MIA3: variants seen among roughly 807,000 people sequenced by gnomAD.
MIA3 encodes transport and Golgi organization protein 1 homolog.
MIA3 carries 90 observed loss-of-function variants against 192.4 expected under a neutral mutation model. The observed-to-expected ratio is 0.47, with a 90% CI of 0.39 to 0.56. The LOEUF (loss-of-function observed/expected upper bound fraction) is 0.56, where lower values mean the gene tolerates loss of function less well. Ranked by LOEUF, MIA3 falls within the 20% of genes least tolerant of loss-of-function variation. The pLI is 0.00. For synonymous variants in MIA3, 740 were observed against 792.8 expected (o/e 0.93, Z 1.12); for missense variants, 2,123 against 2,269.4 (o/e 0.94, Z 1.31).
In MIA3 at chr1:222,628,174, T is replaced by C; in HGVS notation, c.954T>C (p.Asp318=). ...DTEYYAVGKE[D]EENQEDFDEL... ...AGTATTATGCAGTTGGAAAGGAAGA[T>C]GAGGAGAACCAAGAAGACTTTGATG... Residue 318 remains aspartate, a synonymous_variant, in exon 4 of 28, where the codon GAT becomes GAC. Coordinates refer to ENST00000344922, the MANE Select transcript of MIA3 (RefSeq NM_198551.4). The C allele has an allele frequency of 6.2e-7, 1 of 1,614,010 alleles. No individual in the cohort carries two copies. Among genetic ancestry groups the C allele is most frequent in the South Asian group, 1.1e-5 (1 of 91,088 alleles).
intron 6 of MIA3, among the ~76,000 whole-genome samples, chr1:222,642,698 C>T (rs1662917904): frequency 6.6e-6 from 1 of 152,244 alleles, no homozygotes; most frequent in Non-Finnish European, 1.5e-5. Context: ...GCTTCCTCCA[C>T]ATTCTCTCAC....
At chr1:222,625,407 A>G (rs936648638) in intron 3 of MIA3, among the ~76,000 whole-genome samples, 1 of 152,222 alleles carries the variant, frequency 6.6e-6, no homozygotes, top group Non-Finnish European at 1.5e-5. Flanking sequence ...GAAGGCAAAA[A>G]ATTTCATTTC....
rs375878727 is a variant in MIA3, at chr1:222,629,287, A to T, written c.2067A>T (p.Glu689Asp). 3.7e-6 allele frequency: 6 copies of T among 1,614,194 alleles called. No individual in the cohort carries two copies. The Admixed American group carries it at 6.7e-5, about 18-fold the overall frequency. The change falls in exon 4 of 28, where the codon GAA (glutamate) becomes GAT (aspartate). Residue 689 changes from glutamate (E) to aspartate (D), a missense_variant. By Grantham distance (45) the Glu-to-Asp change is conservative. Coordinates refer to ENST00000344922, the MANE Select transcript of MIA3 (RefSeq NM_198551.4). ...EGEAKEDSLD[E>D]EFFHHKAMQG... is the part of the protein sequence containing the mutation. Reference sequence around the variant, plus strand: ...AAGCCAAAGAGGACTCCTTGGATGAAGAGTTTTTTCATCACAAGGCAATGC... The same window carrying T: ...AAGCCAAAGAGGACTCCTTGGATGATGAGTTTTTTCATCACAAGGCAATGC...
Position 222,666,542 on chromosome 1 carries a change from A to G in MIA3, c.*923A>G, listed in dbSNP as rs1664295837. The G allele has an allele frequency of 6.6e-6, 1 of 152,088 alleles. No homozygotes were observed. Among genetic ancestry groups the G allele is most frequent in the African/African-American group, 2.4e-5 (1 of 41,390 alleles). The allele number at this position is 152,088 out of a possible 1,614,324, so 9.4% of individuals were successfully genotyped here. On this transcript the variant is annotated 3_prime_UTR_variant, in exon 28 of 28. Coordinates refer to ENST00000344922, the MANE Select transcript of MIA3 (RefSeq NM_198551.4). Reference sequence around the variant, plus strand: ...AAAATTTTAAAATGTACAGTCCCTTATCTATCTTTCCCATTCCTTGCCACT... The same window carrying G: ...AAAATTTTAAAATGTACAGTCCCTTGTCTATCTTTCCCATTCCTTGCCACT...
chr1:222,626,027 A>T (rs1662100451), intron 3 of MIA3, among the ~76,000 whole-genome samples: 1 of 151,620 alleles, frequency 6.6e-6, no homozygotes, highest in Non-Finnish European at 1.5e-5. Flanking sequence ...GCTGCCTTTC[A>T]TATATATATA....
chr1:222,651,147 G>A (rs1431517310), intron 11 of MIA3, among the ~76,000 whole-genome samples: 5 of 151,432 alleles, frequency 3.3e-5, no homozygotes, highest in Non-Finnish European at 5.9e-5. Flanking sequence ...TCTGCCCTCC[G>A]AAACATGTGG....
At chr1:222,644,276 T>TA (rs1663013949) in intron 6 of MIA3, 4 of 1,387,336 alleles carry the variant, frequency 2.9e-6, no homozygotes, top group Non-Finnish European at 3.7e-6. Flanking sequence ...TTTGGTGCCT[T>TA]GAGGTGCGCC....
intron 24 of MIA3, chr1:222,661,320 A>G (rs1663999183): frequency 6.6e-6 from 1 of 152,322 alleles, no homozygotes; most frequent in Admixed American, 6.5e-5. Context: ...CATTTCAGTC[A>G]GACGATTCAT....
intron 18 of MIA3, among the ~76,000 whole-genome samples, chr1:222,655,418 ATCTGAATTCTCTAAAAATAGGTTATCT>A (rs1663667887): frequency 6.6e-6 from 1 of 152,254 alleles, no homozygotes; most frequent in Non-Finnish European, 1.5e-5. Context: ...CCACAAAAAC[ATCTGAATTCTCTAAAAATAGGTTATCT>A]GTGGCAGTTG....
chr1:222,660,456 C>T, intron 24 of MIA3, 142 bp downstream of exon 24: 1 of 631,570 alleles, frequency 1.6e-6, no homozygotes, highest in Non-Finnish European at 2.4e-6. Context: ...GTGGATTCAA[C>T]TGCAAGTATT....
At chr1:222,663,464 T>C (rs751713000) in intron 26 of MIA3, among the ~76,000 whole-genome samples, 17 of 152,174 alleles carry the variant, frequency 1.1e-4, no homozygotes, top group Admixed American at 2.6e-4. Flanking sequence ...GCAAATCTAA[T>C]ACTCTCTGCG....
At chr1:222,658,167 T>C (rs575886835) in intron 18 of MIA3, among the ~76,000 whole-genome samples, 1 of 152,342 alleles carries the variant, frequency 6.6e-6, no homozygotes, top group East Asian at 1.9e-4. Context: ...TCTCGCTGCT[T>C]TATCATGATT....
Position 222,643,945 on chromosome 1 carries a change from A to T in MIA3, c.3478-1609A>T, listed in dbSNP as rs1360072789. ...ACAGTAAGCAGAGGACTGAGTGGGC[A>T]AGGAAGAAAGGCCGCGCACTGCAGT... On this transcript the variant is annotated intron_variant, in intron 6 of 27. Coordinates refer to ENST00000344922, the MANE Select transcript of MIA3 (RefSeq NM_198551.4). 2.8e-5 allele frequency among the ~76,000 whole-genome samples: 4 copies of T among 145,262 alleles called. No individual in the cohort carries two copies. In the Admixed American group the frequency reaches 3.0e-4, roughly 11 times the overall value.
chr1:222,651,029 A>G (rs1231718705), intron 11 of MIA3, 126 bp downstream of exon 11: 1 of 594,462 alleles, frequency 1.7e-6, no homozygotes, highest in African/African-American at 1.9e-5. Context: ...AGTTGAACCT[A>G]CTTCTGTCCA....
At chr1:222,659,059 AGTTT>A in intron 19 of MIA3, 1 of 456,992 alleles carries the variant, frequency 2.2e-6, no homozygotes, top group South Asian at 3.0e-5. Context: ...GGGTGGGAGC[AGTTT>A]GTTATATGAT....
At chr1:222,618,420 G>T (rs1319529637) in intron 1 of MIA3, among the ~76,000 whole-genome samples, 177 bp downstream of exon 1, 3 of 152,058 alleles carry the variant, frequency 2.0e-5, no homozygotes, top group Admixed American at 6.5e-5. Flanking sequence ...GCGCGCTCCG[G>T]GTCCCTGTGT....
intron 1 of MIA3, 102 bp from the exon 2 acceptor site, chr1:222,621,057 G>T: frequency 9.9e-7 from 1 of 1,010,678 alleles, no homozygotes. Flanking sequence ...AAACTTGGTT[G>T]TTGTTTATAG....
chr1:222,653,395 C>G (rs1206770746), intron 15 of MIA3, 56 bp downstream of exon 15: 10 of 1,096,748 alleles, frequency 9.1e-6, no homozygotes, highest in African/African-American at 1.6e-5. Context: ...TTTAAGTGCA[C>G]CAGTGCTACT....
rs1275577753 is a variant in MIA3, at chr1:222,628,246, A to G, written c.1026A>G (p.Pro342=). 6.2e-7 allele frequency: 1 copy of G among 1,614,190 alleles called. No individual in the cohort carries two copies. Among genetic ancestry groups the G allele is most frequent in the South Asian group, 1.1e-5 (1 of 91,090 alleles). ...CAGATGGGGAAGATATGAAAACTCC[A>G]GCAAAGTCTGGCGTTGAGAAATATC... ...TFTDGEDMKT[P]AKSGVEKYPT... The change falls in exon 4 of 28, where the codon CCA becomes CCG. Residue 342 remains proline, a synonymous_variant. Coordinates refer to ENST00000344922, the MANE Select transcript of MIA3 (RefSeq NM_198551.4).
Sources: gnomAD v4.1 joint callset for allele counts (sites outside exome capture counted in the v4.1 genomes callset) on GRCh38, gnomAD v4.1.1 for gene constraint, MANE v1.5 for transcripts, NCBI Gene and HGNC (gene_info 2026-07-23, HGNC 2026-07-21) for gene names.